Variants in RORC observed in about 807,000 individuals in gnomAD.
RORC encodes the protein RAR related orphan receptor C.
RORC carries 13 observed loss-of-function variants against 64.5 expected under a neutral mutation model. The ratio of observed to expected loss-of-function variants is 0.20; its 90% CI spans 0.13 to 0.32. The LOEUF (loss-of-function observed/expected upper bound fraction) is 0.32. Ranked by LOEUF, RORC falls within the 10% of genes least tolerant of loss-of-function variation. The pLI, the probability that RORC is intolerant of heterozygous loss-of-function variation, is 1.00. For synonymous variants in RORC, 277 were observed against 259.3 expected (o/e 1.07, Z -0.65); for missense variants, 468 against 669.5 (o/e 0.70, Z 3.32).
At chr1:151,819,431 G>A (rs1339228776) in intron 2 of RORC, among the ~76,000 whole-genome samples, 1 of 152,204 alleles carries the variant, frequency 6.6e-6, no homozygotes, top group Middle Eastern at 3.2e-3. Flanking sequence ...AAGGCTGAGA[G>A]GAGCACTCGG....
At chr1:151,819,947 T>A (rs1651921543) in intron 2 of RORC, among the ~76,000 whole-genome samples, 1 of 152,148 alleles carries the variant, frequency 6.6e-6, no homozygotes, top group African/African-American at 2.4e-5. Context: ...TGAGCTAGAA[T>A]GTCAGACCCC....
At chr1:151,831,618 G>T (rs1652421197) in intron 1 of RORC, 107 bp downstream of exon 1, 2 of 1,599,938 alleles carry the variant, frequency 1.3e-6, no homozygotes, top group Non-Finnish European at 1.7e-6. Flanking sequence ...CTGCACTCTT[G>T]TCCCTCCCTC....
intron 2 of RORC, among the ~76,000 whole-genome samples, chr1:151,826,882 C>A (rs1652214777): frequency 6.6e-6 from 1 of 152,186 alleles, no homozygotes; most frequent in Non-Finnish European, 1.5e-5. Flanking sequence ...CTTTGGGAGC[C>A]CAAGGTGGGT....
At chr1:151,828,049 G>A (rs1188137390) in intron 2 of RORC, among the ~76,000 whole-genome samples, 4 of 152,100 alleles carry the variant, frequency 2.6e-5, no homozygotes, top group Admixed American at 2.0e-4. Flanking sequence ...AGGGGCAGGC[G>A]AGACACTGAT....
intron 2 of RORC, among the ~76,000 whole-genome samples, chr1:151,828,079 G>C (rs567325586): frequency 1.3e-5 from 2 of 152,140 alleles, no homozygotes; most frequent in Non-Finnish European, 2.9e-5. Flanking sequence ...GCTGAGCAAA[G>C]CAACCCCCAC....
chr1:151,814,936 G>T lies in RORC; in HGVS notation c.788C>A (p.Pro263His). ...SPSFRSTPEAPYASLTEIEHL... is the reference protein window; with the variant it reads ...SPSFRSTPEAHYASLTEIEHL... ...ACCTATCTCTGTCAGGGAGGCATAG[G>T]GTGCCTCCGGTGTGCTGCGGAAACT... The change falls in exon 5 of 11, where the codon CCC (proline) becomes CAC (histidine). Residue 263 changes from proline (P) to histidine (H), a missense_variant. Physicochemically the swap from Pro to His is moderately conservative, Grantham distance 77. This residue lies in a region of RORC where 241 missense variants were observed against 295.5 expected (regional missense o/e 0.82). Coordinates refer to ENST00000318247, the MANE Select transcript of RORC (RefSeq NM_005060.4). The T allele has an allele frequency of 6.2e-7, 1 of 1,613,850 alleles. No homozygotes were observed.
Position 151,831,742 on chromosome 1 carries a change from T to C in RORC, c.23A>G (p.Gln8Arg). 6.2e-7 allele frequency: 1 copy of C among 1,610,508 alleles called. No homozygotes were observed. Among genetic ancestry groups the C allele is most frequent in the Non-Finnish European group, 8.5e-7 (1 of 1,179,976 alleles). Reference protein sequence around the residue: MDRAPQRQHRASRELLAA... With the variant: MDRAPQRRHRASRELLAA... The stretch of plus-strand genomic sequence containing the variant: ...CCTCTTACCCCGTGAGGCTCGGTGC[T>C]GTCTCTGTGGGGCCCTGTCCATGGG... Residue 8 changes from glutamine to arginine, a missense_variant, in exon 1 of 11, where the codon CAG becomes CGG. Gln to Arg is a conservative substitution (Grantham distance 43). Transcript: ENST00000318247.
In RORC at chr1:151,806,193, A is replaced by G. The variant is rs201783982; in HGVS notation, c.*1279T>C. 5 of 152,394 alleles carry G rather than the reference A, an allele frequency of 3.3e-5. No individual in the cohort carries two copies. Among genetic ancestry groups the G allele is most frequent in the Admixed American group, 2.6e-4 (4 of 15,230 alleles). 9.4% of individuals were successfully genotyped at this position (152,394 alleles called of 1,614,324 possible). A position where few individuals can be genotyped will look rare whatever the true frequency, so the allele number is the denominator to read the frequency against. On this transcript the variant is annotated 3_prime_UTR_variant, in exon 11 of 11. Coordinates refer to ENST00000318247, the MANE Select transcript of RORC (RefSeq NM_005060.4). ...CCCCCCAACTCCACGACTGCCCATC[A>G]TTGCTGTTAATCCCTCAGGGGAGGG...
intron 2 of RORC, among the ~76,000 whole-genome samples, chr1:151,820,749 C>G (rs945646681): frequency 1.3e-5 from 2 of 152,234 alleles, no homozygotes; most frequent in Non-Finnish European, 2.9e-5. Context: ...GCATCTCAAA[C>G]AAGATTACCT....
At chr1:151,826,092 G>T in intron 2 of RORC, 1 of 1,450,458 alleles carries the variant, frequency 6.9e-7, no homozygotes, top group Non-Finnish European at 9.1e-7. Context: ...CAGTGCTTCT[G>T]GACTGGGGGG....
intron 2 of RORC, among the ~76,000 whole-genome samples, chr1:151,818,787 T>C (rs1474008996): frequency 6.6e-6 from 1 of 152,196 alleles, no homozygotes; most frequent in Non-Finnish European, 1.5e-5. Flanking sequence ...CGAATGCACA[T>C]TGCTGTGATC....
chr1:151,814,111 A>G (rs567224185), intron 6 of RORC: 1 of 177,608 alleles, frequency 5.6e-6, no homozygotes, highest in East Asian at 1.5e-4. Context: ...AAACCTATTA[A>G]CCCCTCTAGG....
At chr1:151,819,262 C>T (rs564455074) in intron 2 of RORC, among the ~76,000 whole-genome samples, 3 of 152,278 alleles carry the variant, frequency 2.0e-5, no homozygotes, top group African/African-American at 7.2e-5. Context: ...TCTAGACCTA[C>T]GTTTTCTTGT....
At chr1:151,825,307 C>T (rs548850789) in intron 2 of RORC, among the ~76,000 whole-genome samples, 3 of 152,274 alleles carry the variant, frequency 2.0e-5, no homozygotes, top group South Asian at 4.1e-4. Context: ...TGCACACACA[C>T]GCAGGCATGT....
chr1:151,822,085 G>C (rs932547051), intron 2 of RORC, among the ~76,000 whole-genome samples: 23 of 151,912 alleles, frequency 1.5e-4, no homozygotes, highest in Admixed American at 1.1e-3. Context: ...GAATGAGTGA[G>C]AAAGAGGAAT....
At chr1:151,812,644 A>G in intron 9 of RORC, 1 of 286,266 alleles carries the variant, frequency 3.5e-6, no homozygotes, top group Non-Finnish European at 6.6e-6. Context: ...GTGTGCTACA[A>G]TGAAATCACT....
At chr1:151,827,731 G>A (rs1395039929) in intron 2 of RORC, among the ~76,000 whole-genome samples, 1 of 152,220 alleles carries the variant, frequency 6.6e-6, no homozygotes, top group Non-Finnish European at 1.5e-5. Flanking sequence ...GGCTTCAGGA[G>A]CTGGGCCGTG....
At chr1:151,817,307 A>T (rs750370720) in intron 2 of RORC, 27 bp from the exon 3 acceptor site, 2 of 1,566,068 alleles carry the variant, frequency 1.3e-6, no homozygotes, top group Non-Finnish European at 1.8e-6. Flanking sequence ...GAAGTAGGTC[A>T]GCCCAGGAGG....
At chr1:151,826,493 A>C (rs1572046938) in intron 2 of RORC, among the ~76,000 whole-genome samples, 1 of 152,104 alleles carries the variant, frequency 6.6e-6, no homozygotes, top group South Asian at 2.1e-4. Flanking sequence ...GCCACCTGAC[A>C]CCCTGTGGAC....
Sources: gnomAD v4.1 joint callset for allele counts (sites outside exome capture counted in the v4.1 genomes callset) on GRCh38, gnomAD v4.1.1 for gene constraint, gnomAD v4.1.1 regional missense constraint, MANE v1.5 for transcripts, NCBI Gene and HGNC (gene_info 2026-07-23, HGNC 2026-07-21) for gene names.